The following KHDC1L variants were observed in gnomAD, a reference collection of about 807,000 sequenced individuals.
KHDC1L encodes KH domain containing 1 like, also known as KHDC1-like protein.
A neutral mutation model predicts 11.2 loss-of-function variants in KHDC1L; 5 were observed. The ratio of observed to expected loss-of-function variants is 0.45; its 90% CI spans 0.23 to 0.94. KHDC1L has a LOEUF of 0.94. KHDC1L is among the 40% of genes least tolerant of loss of function. KHDC1L has a pLI of 0.22. For synonymous variants in KHDC1L, 66 were observed against 62.7 expected (o/e 1.05, Z -0.25); for missense variants, 168 against 165.8 (o/e 1.01, Z -0.07).
In KHDC1L at chr6:73,224,292, G is replaced by A. The variant is rs1191037258; in HGVS notation, c.169C>T (p.Leu57=). 2.5e-6 allele frequency: 4 copies of A among 1,598,964 alleles called. No homozygotes were observed. The highest frequency in any genetic ancestry group is 3.4e-6 in the Non-Finnish European group (4 of 1,172,204). Residue 57 remains leucine, a synonymous_variant, in exon 2 of 3, where the codon CTG becomes TTG. Transcript: ENST00000370388. ...IELHSHTLIQ[L]ERCFTATGQT... is the part of the protein sequence containing the mutation. ...CCTGTAGCTGTGAAACACCTCTCCAGCTGAATAAGGGTGTGGCTGTGCAGC... is the reference window on the plus strand; with the variant it reads ...CCTGTAGCTGTGAAACACCTCTCCAACTGAATAAGGGTGTGGCTGTGCAGC...
rs1766315893 is a variant in KHDC1L at position 73,224,282 on chromosome 6, C to T, written c.179G>A (p.Cys60Tyr). ...ACGTGTCTGGCCTGTAGCTGTGAAA[C>T]ACCTCTCCAGCTGAATAAGGGTGTG... The part of the protein sequence containing the change: ...HSHTLIQLER[C>Y]FTATGQTRVT... The change falls in exon 2 of 3, where the codon TGT (cysteine) becomes TAT (tyrosine). Residue 60 changes from cysteine to tyrosine, a missense_variant. Physicochemically the swap from Cys to Tyr is radical, Grantham distance 194. Coordinates refer to ENST00000370388, the MANE Select transcript of KHDC1L (RefSeq NM_001126063.3). 2 of 1,598,296 alleles carry T rather than the reference C, an allele frequency of 1.3e-6. No individual in the cohort carries two copies. The highest frequency in any genetic ancestry group is 1.7e-5 in the Admixed American group (1 of 57,874).
intron 1 of KHDC1L, among the ~76,000 whole-genome samples, 160 bp from the exon 2 acceptor site, chr6:73,224,508 C>T (rs1409713046): frequency 6.6e-6 from 1 of 152,094 alleles, no homozygotes; most frequent in Non-Finnish European, 1.5e-5. Context: ...AGCGCAGTGA[C>T]TCATGCCTGT....
In KHDC1L at chr6:73,225,436, G is replaced by A. The variant is rs1766349431; in HGVS notation, c.-28C>T. ...TGTGCTCCCACCTGATTCAGAATAG[G>A]GGAAAGTCTAACAAACTGGTTGGCA... On this transcript the variant is annotated 5_prime_UTR_variant, in exon 1 of 3. Coordinates refer to ENST00000370388, the MANE Select transcript of KHDC1L (RefSeq NM_001126063.3). The A allele has an allele frequency of 1.3e-6, 2 of 1,556,712 alleles. No individual in the cohort carries two copies. The highest frequency in any genetic ancestry group is 4.5e-5 in the East Asian group (2 of 44,446).
At position 73,225,422 on chromosome 6, in the gene KHDC1L, C is replaced by G. The variant is rs116461300; in HGVS notation, c.-14G>C. On this transcript the variant is annotated 5_prime_UTR_variant, in exon 1 of 3. Coordinates refer to ENST00000370388, the MANE Select transcript of KHDC1L (RefSeq NM_001126063.3). ...TCCCACGGCCATGCTGTGCTCCCAC[C>G]TGATTCAGAATAGGGGAAAGTCTAA... 2,666 of 1,598,626 alleles carry G rather than the reference C, an allele frequency of 1.7e-3. 40 individuals carry two copies. The African/African-American group carries it at 0.031, about 19-fold the overall frequency.
At chr6:73,225,247 A>C (rs780649690) in intron 1 of KHDC1L, 50 bp downstream of exon 1, 1 of 1,537,736 alleles carries the variant, frequency 6.5e-7, no homozygotes, top group Admixed American at 1.9e-5. Flanking sequence ...TCTCAAAAAA[A>C]TAAAAATAAA....
In KHDC1L at chr6:73,225,334, C is replaced by T; in HGVS notation, c.75G>A (p.Val25=). 3 of 1,614,056 alleles carry T rather than the reference C, an allele frequency of 1.9e-6. No homozygotes were observed. The South Asian group carries it at 3.3e-5, about 18-fold the overall frequency. Residue 25 remains valine, a synonymous_variant, in exon 1 of 3, where the codon GTG becomes GTA. Transcript: ENST00000370388. ...TLPENFHSPM[V]FHMEEDQEEL... ...CCTCCTGGTCCTCTTCCATGTGGAA[C>T]ACCATTGGAGAATGAAAGTTTTCGG...
chr6:73,224,422 T>C (rs1039025028), intron 1 of KHDC1L, 74 bp from the exon 2 acceptor site: 17 of 1,297,164 alleles, frequency 1.3e-5, no homozygotes, highest in Non-Finnish European at 1.7e-5. Context: ...GCCTTGAGGG[T>C]AGGGATGTGT....
rs1363750100 is a variant in KHDC1L, at chr6:73,224,225, T to C, written c.236A>G (p.Gln79Arg). Reference protein sequence around the residue: ...VTVVGPPMAKQWLLLMFHCVG... With the variant: ...VTVVGPPMAKRWLLLMFHCVG... ...GCAATGGAACATGAGCAGCAGCCAC[T>C]GCTTTGCCATTGGTGGTCCGACTAC... is the stretch of plus-strand genomic sequence containing the variant. Residue 79 changes from glutamine to arginine, a missense_variant, in exon 2 of 3, where the codon CAG (glutamine) becomes CGG (arginine). Transcript: ENST00000370388. 1.9e-6 allele frequency: 3 copies of C among 1,577,640 alleles called. No individual in the cohort carries two copies. Among genetic ancestry groups the C allele is most frequent in the Non-Finnish European group, 2.6e-6 (3 of 1,160,838 alleles).
chr6:73,224,297 A>C lies in KHDC1L; in HGVS notation c.164T>G (p.Ile55Ser), dbSNP rs1177241160. 2 of 1,599,236 alleles carry C rather than the reference A, an allele frequency of 1.3e-6. No individual in the cohort carries two copies. Among genetic ancestry groups the C allele is most frequent in the Non-Finnish European group, 1.7e-6 (2 of 1,172,388 alleles). The change falls in exon 2 of 3, where the codon ATT becomes AGT. Residue 55 changes from isoleucine (I) to serine (S), a missense_variant. Coordinates refer to ENST00000370388, the MANE Select transcript of KHDC1L (RefSeq NM_001126063.3). ...RCIELHSHTL[I>S]QLERCFTATG... ...AGCTGTGAAACACCTCTCCAGCTGA[A>C]TAAGGGTGTGGCTGTGCAGCTCAAT...
At chr6:73,224,771 C>CAAAAAAAAAAAA (rs3044250) in intron 1 of KHDC1L, among the ~76,000 whole-genome samples, 3 of 41,092 alleles carry the variant, frequency 7.3e-5, no homozygotes, top group African/African-American at 2.1e-4. Context: ...GATTCCATAT[C>CAAAAAAAAAAAA]AAAAAAAAAA....
intron 2 of KHDC1L, 103 bp from the exon 3 acceptor site, chr6:73,223,942 G>C: frequency 9.3e-7 from 1 of 1,080,076 alleles, no homozygotes; most frequent in South Asian, 1.5e-5. Flanking sequence ...TGTCACCCCA[G>C]CCCAGGTCTT....
chr6:73,224,582 C>T (rs1766323776), intron 1 of KHDC1L, among the ~76,000 whole-genome samples: 1 of 151,776 alleles, frequency 6.6e-6, no homozygotes, highest in Admixed American at 6.6e-5. Flanking sequence ...CCACACACGC[C>T]TGGCTAACAT....
At chr6:73,224,771 CAAAAAA>C (rs3044250) in intron 1 of KHDC1L, among the ~76,000 whole-genome samples, 2 of 41,094 alleles carry the variant, frequency 4.9e-5, no homozygotes, top group African/African-American at 1.0e-4. Context: ...GATTCCATAT[CAAAAAA>C]AAAAAAAAAA....
chr6:73,224,233 C>T lies in KHDC1L; in HGVS notation c.228G>A (p.Met76Ile). ...QTRVTVVGPP[M>I]AKQWLLLMFH... ...ACATGAGCAGCAGCCACTGCTTTGCCATTGGTGGTCCGACTACAGTCACAC... is the reference window on the plus strand; with the variant it reads ...ACATGAGCAGCAGCCACTGCTTTGCTATTGGTGGTCCGACTACAGTCACAC... Residue 76 changes from methionine (M) to isoleucine (I), a missense_variant, in exon 2 of 3, where the codon ATG (methionine) becomes ATA (isoleucine). By Grantham distance (10) the Met-to-Ile change is conservative (BLOSUM62 1). Transcript: ENST00000370388. 8 of 1,579,564 alleles carry T rather than the reference C, an allele frequency of 5.1e-6. No individual in the cohort carries two copies. The highest frequency in any genetic ancestry group is 6.9e-6 in the Non-Finnish European group (8 of 1,161,718).
At chr6:73,224,144 C>G (rs1351136936) in intron 2 of KHDC1L, 22 bp downstream of exon 2, 4 of 1,529,746 alleles carry the variant, frequency 2.6e-6, no homozygotes, top group Middle Eastern at 1.7e-4. Flanking sequence ...TCCACCTCCA[C>G]AGTTCGGCCA....
chr6:73,225,205 T>G (rs1348861657), intron 1 of KHDC1L, 92 bp downstream of exon 1: 22 of 1,171,432 alleles, frequency 1.9e-5, no homozygotes, highest in Non-Finnish European at 2.6e-5. Flanking sequence ...AGGCAGACGT[T>G]GCAGTGAGCC....
intron 1 of KHDC1L, among the ~76,000 whole-genome samples, chr6:73,224,771 C>CAAAAAAAA (rs3044250): frequency 4.9e-5 from 2 of 41,092 alleles, no homozygotes; most frequent in African/African-American, 2.1e-4. Context: ...GATTCCATAT[C>CAAAAAAAA]AAAAAAAAAA....
In KHDC1L at chr6:73,223,763, C is replaced by T. The variant is rs780460920; in HGVS notation, c.372G>A (p.Pro124=). The T allele has an allele frequency of 3.1e-6, 5 of 1,606,186 alleles. No individual in the cohort carries two copies. The highest frequency in any genetic ancestry group is 4.3e-6 in the Non-Finnish European group (5 of 1,176,406). ...DDLVTSVSLP[P]YTGD ...CCAGGGGAGATCAGTCTCCGGTGTA[C>T]GGTGGCAGGCTAACGGAGGTGACCA... Residue 124 remains proline, a synonymous_variant, in exon 3 of 3, where the codon CCG becomes CCA. Transcript: ENST00000370388.
rs1562239120 is a variant in KHDC1L at position 73,223,759 on chromosome 6, TGTACG to T, written c.371_375del (p.Pro124HisfsTer12). On this transcript the variant is annotated frameshift_variant, in exon 3 of 3. Coordinates refer to ENST00000370388, the MANE Select transcript of KHDC1L (RefSeq NM_001126063.3). LOFTEE classifies it high-confidence loss of function. ...CTTCCCAGGGGAGATCAGTCTCCGGTGTACGGTGGCAGGCTAACGGAGGTGACCAG... is the reference window on the plus strand; with the variant it reads ...CTTCCCAGGGGAGATCAGTCTCCGGTGTGGCAGGCTAACGGAGGTGACCAG... The T allele has an allele frequency of 6.2e-7, 1 of 1,606,124 alleles. No individual in the cohort carries two copies. The highest frequency in any genetic ancestry group is 1.3e-5 in the African/African-American group (1 of 74,800).
Sources: gnomAD v4.1 joint callset for allele counts (sites outside exome capture counted in the v4.1 genomes callset) on GRCh38, gnomAD v4.1.1 for gene constraint, MANE v1.5 for transcripts, NCBI Gene and HGNC (gene_info 2026-07-23, HGNC 2026-07-21) for gene names.